Variants in SPTBN4 observed in about 807,000 individuals in gnomAD.
SPTBN4 encodes spectrin beta, non-erythrocytic 4.
In SPTBN4, 96 loss-of-function variants were observed where a neutral mutation model predicts 277.8. The ratio of observed to expected loss-of-function variants is 0.35; its 90% CI spans 0.29 to 0.41. The LOEUF is 0.41. Among genes scored for constraint, SPTBN4 ranks in the 10% least tolerant of loss-of-function variants. The pLI, the probability that SPTBN4 is intolerant of heterozygous loss-of-function variation, is 1.00. For missense variants in SPTBN4, 3,006 were observed against 3,595.7 expected (o/e 0.84, Z 4.19); for synonymous variants, 1,481 against 1,580.3 (o/e 0.94, Z 1.49).
rs2080447282 is a variant in SPTBN4, at chr19:40,515,833, G to A, written c.2903+385G>A. On this transcript the variant is annotated intron_variant, in intron 15 of 35. Coordinates refer to ENST00000598249, the MANE Select transcript of SPTBN4 (RefSeq NM_020971.3). This position sits in a 1 kb window ranked among gnomAD's most constrained non-coding sequence, Gnocchi z 4.1. ...AGCTCATGAATTCAAGACCAGCCTG[G>A]GCAACATGGTGAAACCCCGTCTCTC... is the stretch of plus-strand genomic sequence containing the variant. Among the ~76,000 whole-genome samples, 1 of 149,594 alleles carries A rather than the reference G, an allele frequency of 6.7e-6. No homozygotes were observed. Among genetic ancestry groups the A allele is most frequent in the African/African-American group, 2.5e-5 (1 of 40,530 alleles).
chr19:40,494,897 T>C lies in SPTBN4; in HGVS notation c.588T>C (p.Gly196=), dbSNP rs1195202047. ...LLLWCQMKTA[G]YPEVNIQNFT... ...TCTGTTTCTCCCTTCACCCTTCCAG[T>C]TACCCTGAGGTAAACATCCAGAATT... Residue 196 remains glycine, a splice_region_variant and synonymous_variant, in exon 6 of 36, where the codon GGT becomes GGC. Coordinates refer to ENST00000598249, the MANE Select transcript of SPTBN4 (RefSeq NM_020971.3). The C allele has an allele frequency of 6.2e-7, 1 of 1,613,976 alleles. No homozygotes were observed. Among genetic ancestry groups the C allele is most frequent in the African/African-American group, 1.3e-5 (1 of 75,020 alleles).
intron 20 of SPTBN4, among the ~76,000 whole-genome samples, chr19:40,542,322 G>A (rs2080810906): frequency 6.6e-6 from 1 of 152,086 alleles, no homozygotes; most frequent in Non-Finnish European, 1.5e-5. Context: ...ACCCGCTGCT[G>A]CAGCAGGCTC....
chr19:40,472,265 G>A (rs530791191), intron 1 of SPTBN4, among the ~76,000 whole-genome samples: 25 of 151,750 alleles, frequency 1.6e-4, no homozygotes, highest in Admixed American at 4.0e-4. Context: ...GGCTTGTCTC[G>A]AACTCCTGGG....
rs1260583978 is a variant in SPTBN4, at chr19:40,570,586, G to A, written c.7177G>A (p.Gly2393Arg). The change falls in exon 33 of 36, where the codon GGG (glycine) becomes AGG (arginine). Residue 2393 changes from glycine (G) to arginine (R), a missense_variant. Gly to Arg is a moderately radical substitution (Grantham distance 125, BLOSUM62 -2). This residue lies in a region of SPTBN4 where 630 missense variants were observed against 677.6 expected (regional missense o/e 0.93). Coordinates refer to ENST00000598249, the MANE Select transcript of SPTBN4 (RefSeq NM_020971.3). ...RPRPREGGEG[G>R]GSRRSRSAPA... is the part of the protein sequence containing the mutation. ...GCGGCCCAGAGAGGGTGGTGAGGGC[G>A]GGGGAAGCCGGCGCTCGCGCTCCGC... 8.7e-6 allele frequency: 12 copies of A among 1,375,746 alleles called. No individual in the cohort carries two copies. Among genetic ancestry groups the A allele is most frequent in the Non-Finnish European group, 1.1e-5 (12 of 1,065,790 alleles). 85.2% of individuals were successfully genotyped at this position (1,375,746 alleles called of 1,614,324 possible).
chr19:40,470,544 C>G (rs898699404), intron 1 of SPTBN4, among the ~76,000 whole-genome samples: 4 of 150,430 alleles, frequency 2.7e-5, no homozygotes, highest in African/African-American at 9.8e-5. Context: ...TGACCTCAAG[C>G]GATCTGCCTG....
At chr19:40,483,902 A>G (rs2080040076) in intron 2 of SPTBN4, among the ~76,000 whole-genome samples, 1 of 152,184 alleles carries the variant, frequency 6.6e-6, no homozygotes. Flanking sequence ...TCACATTTGC[A>G]AAAAGAGGGA....
chr19:40,566,992 A>G, intron 30 of SPTBN4: 1 of 298,330 alleles, frequency 3.4e-6, no homozygotes, highest in South Asian at 2.5e-5. Context: ...AACAACAAAA[A>G]AAAACCGCTT....
At position 40,554,178 on chromosome 19, in the gene SPTBN4, C is replaced by A; in HGVS notation, c.4706C>A (p.Pro1569Gln). The change falls in exon 23 of 36, where the codon CCG becomes CAG. Residue 1569 changes from proline (P) to glutamine (Q), a missense_variant. Physicochemically the swap from Pro to Gln is moderately conservative, Grantham distance 76. Around this residue, in one of 5 missense-constraint regions of SPTBN4, gnomAD observed 1,759 missense variants for 2,061.5 expected, o/e 0.85. Coordinates refer to ENST00000598249, the MANE Select transcript of SPTBN4 (RefSeq NM_020971.3). This position sits in a 1 kb window ranked among gnomAD's most constrained non-coding sequence, Gnocchi z 5.7. ...CGGCGGGAGATCCAGGCGCATGGGC[C>A]GCGCCTGGAGGAGGTGCTGGAGCGC... is the stretch of plus-strand genomic sequence containing the variant. ...GLRREIQAHGPRLEEVLERAG... is the reference protein window; with the variant it reads ...GLRREIQAHGQRLEEVLERAG... The A allele has an allele frequency of 6.9e-7, 1 of 1,453,812 alleles. No individual in the cohort carries two copies. The highest frequency in any genetic ancestry group is 2.7e-5 in the East Asian group (1 of 36,988). 90.1% of individuals were successfully genotyped at this position (1,453,812 alleles called of 1,614,324 possible).
In SPTBN4 at chr19:40,568,225, TGGAGCGGCA is replaced by T; in HGVS notation, c.6904_6912del (p.Arg2302_Glu2304del). ...CGGCGCGAGCGGCGTGAGCGGCGCT[TGGAGCGGCA>T]GGAGTCCAGCGAACAGGAGATGCCC... is the stretch of plus-strand genomic sequence containing the variant. On this transcript the variant is annotated inframe_deletion, in exon 31 of 36. Transcript: ENST00000598249. 1 of 1,605,018 alleles carries T rather than the reference TGGAGCGGCA, an allele frequency of 6.2e-7. No homozygotes were observed. Among genetic ancestry groups the T allele is most frequent in the South Asian group, 1.1e-5 (1 of 89,530 alleles).
chr19:40,504,875 A>G (rs1197778676), intron 12 of SPTBN4, among the ~76,000 whole-genome samples: 2 of 152,042 alleles, frequency 1.3e-5, no homozygotes, highest in Non-Finnish European at 2.9e-5. Flanking sequence ...GAAATGAAAA[A>G]AGACATAGAG....
rs754577124 is a variant in SPTBN4 at position 40,554,194 on chromosome 19, G to A, written c.4722G>A (p.Val1574=). 1.4e-6 allele frequency: 2 copies of A among 1,478,078 alleles called. No individual in the cohort carries two copies. Among genetic ancestry groups the A allele is most frequent in the Non-Finnish European group, 1.8e-6 (2 of 1,127,118 alleles). 91.6% of individuals were successfully genotyped at this position (1,478,078 alleles called of 1,614,324 possible). Residue 1574 remains valine (V), a synonymous_variant, in exon 23 of 36, where the codon GTG becomes GTA. Transcript: ENST00000598249. This position sits in a 1 kb window ranked among gnomAD's most constrained non-coding sequence, Gnocchi z 5.7. ...IQAHGPRLEE[V]LERAGALASL... ...CGCATGGGCCGCGCCTGGAGGAGGT[G>A]CTGGAGCGCGCGGGCGCGCTGGCGT...
In SPTBN4 at chr19:40,490,316, C is replaced by T. The variant is rs1482593421; in HGVS notation, c.495+68C>T. On this transcript the variant is annotated intron_variant, in intron 4 of 35. Coordinates refer to ENST00000598249, the MANE Select transcript of SPTBN4 (RefSeq NM_020971.3). The surrounding 1 kb of genome is among the most constrained non-coding windows in gnomAD (Gnocchi z 4.3). Reference sequence around the variant, plus strand: ...TTAGGAAAGCGTTCCCCACCATTTACCCATTCATTCTTTCCTTCCAATAAT... The same window carrying T: ...TTAGGAAAGCGTTCCCCACCATTTATCCATTCATTCTTTCCTTCCAATAAT... The T allele has an allele frequency of 6.6e-7, 1 of 1,517,936 alleles. No individual in the cohort carries two copies. The highest frequency in any genetic ancestry group is 8.9e-7 in the Non-Finnish European group (1 of 1,124,940). 94.0% of individuals were successfully genotyped at this position (1,517,936 alleles called of 1,614,324 possible).
chr19:40,554,416 C>A lies in SPTBN4; in HGVS notation c.4944C>A (p.Asp1648Glu), dbSNP rs756002880. Residue 1648 changes from aspartate (D) to glutamate (E), a missense_variant, in exon 23 of 36, where the codon GAC becomes GAA. Asp to Glu is a conservative substitution (Grantham distance 45). Transcript: ENST00000598249. The surrounding 1 kb of genome is among the most constrained non-coding windows in gnomAD (Gnocchi z 5.7). ...AGGAGCTGCTCATGATGAGTGAGGACAAGGGCAAGGTGCGCCCGAGCTGGG... is the reference window on the plus strand; with the variant it reads ...AGGAGCTGCTCATGATGAGTGAGGAAAAGGGCAAGGTGCGCCCGAGCTGGG... Reference protein sequence around the residue: ...GEQELLMMSEDKGKDEQSTLQ... With the variant: ...GEQELLMMSEEKGKDEQSTLQ... 5.7e-6 allele frequency: 9 copies of A among 1,571,242 alleles called. No homozygotes were observed. In the East Asian group the frequency reaches 1.9e-4, roughly 32 times the overall value.
intron 2 of SPTBN4, among the ~76,000 whole-genome samples, chr19:40,481,958 A>G (rs2080017251): frequency 6.7e-6 from 1 of 148,330 alleles, no homozygotes; most frequent in East Asian, 2.0e-4. Flanking sequence ...TTCTTTTGAG[A>G]TGGAATCTTG....
At position 40,476,097 on chromosome 19, in the gene SPTBN4, C is replaced by A. The variant is rs1162631831; in HGVS notation, c.169+3307C>A. The stretch of plus-strand genomic sequence containing the variant: ...CGGTAGCTCACGCCTATAATCCCAG[C>A]GCTTTGGGAGGCCAAGGTGGGGGGA... On this transcript the variant is annotated intron_variant, in intron 2 of 35. Transcript: ENST00000598249. Among the ~76,000 whole-genome samples, 8 of 151,848 alleles carry A rather than the reference C, an allele frequency of 5.3e-5. No individual in the cohort carries two copies. In the East Asian group the frequency reaches 1.6e-3, roughly 30 times the overall value.
chr19:40,529,975 G>T (rs1216561450), intron 18 of SPTBN4, among the ~76,000 whole-genome samples: 1 of 151,902 alleles, frequency 6.6e-6, no homozygotes, highest in Non-Finnish European at 1.5e-5. Flanking sequence ...TGTTCTCTCC[G>T]CACACGGAAT....
At chr19:40,537,099 T>A (rs921820482) in intron 20 of SPTBN4, among the ~76,000 whole-genome samples, 2 of 151,996 alleles carry the variant, frequency 1.3e-5, no homozygotes, top group Non-Finnish European at 2.9e-5. Context: ...AGCCTCTGCC[T>A]CCTGGGTTCA....
intron 1 of SPTBN4, among the ~76,000 whole-genome samples, chr19:40,467,795 A>G (rs1317187524): frequency 6.6e-6 from 1 of 152,198 alleles, no homozygotes; most frequent in African/African-American, 2.4e-5. Flanking sequence ...TCTTCCACTG[A>G]AGAAAACAGC....
chr19:40,505,402 A>G (rs1156926276), intron 12 of SPTBN4, among the ~76,000 whole-genome samples: 19 of 145,650 alleles, frequency 1.3e-4, no homozygotes, highest in African/African-American at 2.1e-4. Flanking sequence ...AAAAAAAAAA[A>G]AAGAAGAAGC....
Sources: gnomAD v4.1 joint callset for allele counts (sites outside exome capture counted in the v4.1 genomes callset) on GRCh38, gnomAD v4.1.1 for gene constraint, gnomAD v4.1.1 regional missense constraint, Gnocchi (gnomAD v3.1) non-coding constraint, MANE v1.5 for transcripts, NCBI Gene and HGNC (gene_info 2026-07-23, HGNC 2026-07-21) for gene names.